DBF4B: variants seen among roughly 807,000 people sequenced by gnomAD.
DBF4B encodes protein DBF4 homolog B.
In DBF4B, 49 loss-of-function variants were observed where a neutral mutation model predicts 53.4. That is an observed-to-expected ratio of 0.92 (90% CI 0.73 to 1.16). DBF4B has a LOEUF of 1.16. DBF4B is among the 50% of genes most tolerant of loss of function. DBF4B has a pLI of 0.00. For missense variants in DBF4B, 692 were observed against 775.0 expected (o/e 0.89, Z 1.27); for synonymous variants, 257 against 288.7 (o/e 0.89, Z 1.11).
Position 44,736,886 on chromosome 17 carries a change from C to T in DBF4B, c.667+20C>T. 2.5e-6 allele frequency: 4 copies of T among 1,613,540 alleles called. No homozygotes were observed. On this transcript the variant is annotated intron_variant, in intron 8 of 13. Coordinates refer to ENST00000315005, the MANE Select transcript of DBF4B (RefSeq NM_145663.3). ...GGAAAGGTCAGTGTGGTAGCTTTTC[C>T]TCATCTAATTGCAATCCCTCCCTCC...
At chr17:44,748,966 C>T in intron 13 of DBF4B, 2 of 1,289,918 alleles carry the variant, frequency 1.6e-6, no homozygotes, top group Non-Finnish European at 2.0e-6. Flanking sequence ...CTGGGCCACA[C>T]AGCCCTCCTG....
Position 44,751,392 on chromosome 17 carries a change from A to C in DBF4B, c.*139A>C. On this transcript the variant is annotated 3_prime_UTR_variant, in exon 14 of 14. Transcript: ENST00000315005. ...CAGCCCCCTTTCCACATCGCACCAG[A>C]TGACTTTTACCCAGACCCAGTGGGC... 7.0e-7 allele frequency: 1 copy of C among 1,437,182 alleles called. No homozygotes were observed. Among genetic ancestry groups the C allele is most frequent in the Non-Finnish European group, 9.1e-7 (1 of 1,100,652 alleles). The allele number at this position is 1,437,182 out of a possible 1,614,324, so 89.0% of individuals were successfully genotyped here. A position where few individuals can be genotyped will look rare whatever the true frequency, so the allele number is the denominator to read the frequency against.
At chr17:44,735,502 T>A (rs1975313110) in intron 7 of DBF4B, among the ~76,000 whole-genome samples, 1 of 151,980 alleles carries the variant, frequency 6.6e-6, no homozygotes, top group Non-Finnish European at 1.5e-5. Flanking sequence ...TGAAACCCTG[T>A]CTCTACTAAA....
chr17:44,709,781 A>G (rs986515224), intron 2 of DBF4B, among the ~76,000 whole-genome samples: 10 of 152,202 alleles, frequency 6.6e-5, no homozygotes, highest in Admixed American at 6.6e-4. Context: ...TAATACATTC[A>G]TAGTTGTTTA....
In DBF4B at chr17:44,738,435, C is replaced by T; in HGVS notation, c.713+11C>T. ...CGAAGATGAAAGCAGGTGAGTGGGA[C>T]CTCCTTTCTCTGCTTGCCCCAGCTA... On this transcript the variant is annotated intron_variant, in intron 9 of 13. Coordinates refer to ENST00000315005, the MANE Select transcript of DBF4B (RefSeq NM_145663.3). The T allele has an allele frequency of 1.2e-6, 2 of 1,613,216 alleles. No homozygotes were observed. The highest frequency in any genetic ancestry group is 2.2e-5 in the South Asian group (2 of 90,972).
intron 2 of DBF4B, among the ~76,000 whole-genome samples, chr17:44,714,146 C>T (rs1316259630): frequency 6.6e-6 from 1 of 151,940 alleles, no homozygotes; most frequent in African/African-American, 2.4e-5. Flanking sequence ...CATGCAAAGT[C>T]ATATAATGGA....
intron 2 of DBF4B, among the ~76,000 whole-genome samples, chr17:44,710,311 T>C (rs977863045): frequency 1.3e-5 from 2 of 152,182 alleles, no homozygotes; most frequent in South Asian, 2.1e-4. Flanking sequence ...TGGTTTTTTT[T>C]CCCCCTTCTG....
chr17:44,727,864 A>ATTTTTTTTTTTTTTTTT (rs756222247), intron 3 of DBF4B, among the ~76,000 whole-genome samples: 1 of 106,742 alleles, frequency 9.4e-6, no homozygotes, highest in African/African-American at 3.7e-5. Context: ...TGCCCGGGTA[A>ATTTTTTTTTTTTTTTTT]TTTTTTTTTT....
At position 44,751,459 on chromosome 17, in the gene DBF4B, G is replaced by A. The variant is rs574262865; in HGVS notation, c.*206G>A. 77 of 1,411,594 alleles carry A rather than the reference G, an allele frequency of 5.5e-5. No individual in the cohort carries two copies. The highest frequency in any genetic ancestry group is 1.4e-4 in the African/African-American group (10 of 69,464). The allele number at this position is 1,411,594 out of a possible 1,614,324, so 87.4% of individuals were successfully genotyped here. A position where few individuals can be genotyped will look rare whatever the true frequency, so the allele number is the denominator to read the frequency against. ...GTCAGTCCCTTTTCAACATGTTGCC[G>A]TTTCTTTCTGAAGAGGTGTCCTCCC... On this transcript the variant is annotated 3_prime_UTR_variant, in exon 14 of 14. Coordinates refer to ENST00000315005, the MANE Select transcript of DBF4B (RefSeq NM_145663.3).
intron 10 of DBF4B, among the ~76,000 whole-genome samples, chr17:44,746,786 T>C: frequency 6.8e-6 from 1 of 147,050 alleles, no homozygotes; most frequent in Admixed American, 6.8e-5. Flanking sequence ...ACCACTGCAC[T>C]CCAGCCTGGG....
intron 7 of DBF4B, 151 bp downstream of exon 7, chr17:44,734,314 A>C (rs1975140990): frequency 4.3e-6 from 4 of 934,050 alleles, no homozygotes; most frequent in Non-Finnish European, 6.5e-6. Context: ...CCTCAGTCCT[A>C]GTGCCCATAG....
chr17:44,747,035 C>CA (rs1567675382), intron 10 of DBF4B, 48 bp from the exon 11 acceptor site: 2 of 1,568,524 alleles, frequency 1.3e-6, no homozygotes, highest in Admixed American at 3.3e-5. Context: ...CTCCTCCCCC[C>CA]AAGGGCCCCA....
chr17:44,732,419 G>A (rs986033220), intron 6 of DBF4B, 154 bp downstream of exon 6: 3 of 822,682 alleles, frequency 3.6e-6, no homozygotes, highest in Admixed American at 4.8e-5. Context: ...GGGAGGATGT[G>A]GGGAAGGGGG....
At chr17:44,738,327 G>T in intron 8 of DBF4B, 52 bp from the exon 9 acceptor site, 1 of 1,586,236 alleles carries the variant, frequency 6.3e-7, no homozygotes, top group East Asian at 2.2e-5. Context: ...TGTGGTGCAG[G>T]CCCTGCACAG....
At position 44,747,526 on chromosome 17, in the gene DBF4B, C is replaced by T. The variant is rs141890156; in HGVS notation, c.1064+11C>T. On this transcript the variant is annotated intron_variant, in intron 12 of 13. Transcript: ENST00000315005. ...GGCTGGCCTCCCCAGGTGAGTGCCA[C>T]GCTGGCAGGCACAACTGTGTCTGCT... 7,458 of 1,613,212 alleles carry T rather than the reference C, an allele frequency of 4.6e-3. 32 individuals are homozygous for T. The highest frequency in any genetic ancestry group is 0.019 in the Middle Eastern group (115 of 6,062).
intron 2 of DBF4B, among the ~76,000 whole-genome samples, chr17:44,712,781 C>T (rs1157447112): frequency 6.6e-6 from 1 of 151,192 alleles, no homozygotes; most frequent in Non-Finnish European, 1.5e-5. Flanking sequence ...CACTGTGTTG[C>T]CCAGGCTGGT....
intron 2 of DBF4B, among the ~76,000 whole-genome samples, chr17:44,715,389 G>T (rs369181453): frequency 2.0e-5 from 3 of 151,926 alleles, no homozygotes; most frequent in African/African-American, 7.3e-5. Flanking sequence ...TAGAAATGGG[G>T]TTTCACCATG....
In DBF4B at chr17:44,752,115, G is replaced by C. The variant is rs556424770; in HGVS notation, c.*862G>C. The C allele has an allele frequency of 8.5e-5, 83 of 971,892 alleles. No individual in the cohort carries two copies. The South Asian group carries it at 1.1e-3, about 13-fold the overall frequency. 60.2% of individuals were successfully genotyped at this position (971,892 alleles called of 1,614,324 possible). On this transcript the variant is annotated 3_prime_UTR_variant, in exon 14 of 14. Transcript: ENST00000315005. ...GCTCCACCCCAACTCCCTTCTGCTG[G>C]GTGGAATGCAGGAGCTAGCTGCCTC...
At position 44,750,625 on chromosome 17, in the gene DBF4B, G is replaced by C. The variant is rs150482444; in HGVS notation, c.1220G>C (p.Arg407Pro). 370 of 1,613,552 alleles carry C rather than the reference G, an allele frequency of 2.3e-4. 1 individual carries two copies. In the South Asian group the frequency reaches 3.9e-3, roughly 17 times the overall value. The change falls in exon 14 of 14, where the codon CGA (arginine) becomes CCA (proline). Residue 407 changes from arginine (R) to proline (P), a missense_variant. Transcript: ENST00000315005. ...VTQGRAAGQQRWTESLDGVMG... is the reference protein window; with the variant it reads ...VTQGRAAGQQPWTESLDGVMG... ...CAAGGCAGGGCTGCGGGCCAGCAGC[G>C]ATGGACAGAATCACTAGATGGTGTG...
Sources: allele counts gnomAD v4.1 joint callset (sites outside exome capture counted in the v4.1 genomes callset), GRCh38; gene constraint gnomAD v4.1.1; transcripts MANE v1.5; gene names NCBI Gene and HGNC (gene_info 2026-07-23, HGNC 2026-07-21).